Variants in C2CD2 observed in about 807,000 individuals in gnomAD.
The protein encoded by C2CD2 is C2 domain-containing protein 2.
In C2CD2, 43 loss-of-function variants were observed where a neutral mutation model predicts 74.3. The observed-to-expected ratio is 0.58, with a 90% CI of 0.45 to 0.75. The LOEUF (loss-of-function observed/expected upper bound fraction) is 0.75. Among genes scored for constraint, C2CD2 ranks in the 30% least tolerant of loss-of-function variants. The probability of loss-of-function intolerance (pLI) is 0.00; values close to 1 mark genes in which losing one functional copy is unlikely to be tolerated. For synonymous variants in C2CD2, 422 were observed against 390.7 expected (o/e 1.08, Z -0.94); for missense variants, 801 against 916.3 (o/e 0.87, Z 1.63).
chr21:41,949,036 G>A (rs2065428668), intron 1 of C2CD2, among the ~76,000 whole-genome samples: 1 of 152,014 alleles, frequency 6.6e-6, no homozygotes, highest in Non-Finnish European at 1.5e-5. Flanking sequence ...CCACTCAGGT[G>A]GGCCGCTACC....
At chr21:41,944,011 C>T (rs554141533) in intron 1 of C2CD2, among the ~76,000 whole-genome samples, 2 of 152,260 alleles carry the variant, frequency 1.3e-5, no homozygotes, top group Non-Finnish European at 2.9e-5. Flanking sequence ...GAACAGAACC[C>T]AGCACAGAGG....
At chr21:41,909,167 A>C (rs1037226050) in intron 8 of C2CD2, among the ~76,000 whole-genome samples, 2 of 152,204 alleles carry the variant, frequency 1.3e-5, no homozygotes, top group African/African-American at 4.8e-5. Flanking sequence ...GGTCTCTTGG[A>C]GCTAAGAGGG....
At chr21:41,893,719 T>C (rs368167049) in intron 13 of C2CD2, among the ~76,000 whole-genome samples, 15,749 of 147,338 alleles carry the variant, frequency 0.11, 960 homozygotes, top group Middle Eastern at 0.18. Context: ...TTTTTTTTTT[T>C]GAGACGGAGT....
At chr21:41,935,093 TG>T (rs2065295685) in intron 2 of C2CD2, among the ~76,000 whole-genome samples, 1 of 152,184 alleles carries the variant, frequency 6.6e-6, no homozygotes. Context: ...GGTTTCACCA[TG>T]TTGGCCAGGC....
chr21:41,916,653 T>A (rs2065094622), intron 5 of C2CD2, among the ~76,000 whole-genome samples: 1 of 134,274 alleles, frequency 7.4e-6, no homozygotes, highest in Non-Finnish European at 1.6e-5. Flanking sequence ...TTCATAACTG[T>A]GTGAGCTGAT....
intron 2 of C2CD2, among the ~76,000 whole-genome samples, chr21:41,933,364 A>T (rs1342715391): frequency 6.6e-6 from 1 of 152,008 alleles, no homozygotes; most frequent in Non-Finnish European, 1.5e-5. Flanking sequence ...TGTGTGGCTT[A>T]GATACCAGAG....
intron 8 of C2CD2, chr21:41,908,243 T>TGGTGTGTGTGTGTGTGTGTGTGTG (rs1555901418): frequency 5.9e-6 from 1 of 168,698 alleles, no homozygotes; most frequent in Admixed American, 6.5e-5. Context: ...TACCCTCAAG[T>TGGTGTGTGTGTGTGTGTGTGTGTG]TGTGTGTGTG....
At chr21:41,947,139 T>TCTCTCTCTCTCTCC (rs1365076208) in intron 1 of C2CD2, among the ~76,000 whole-genome samples, 8 of 122,374 alleles carry the variant, frequency 6.5e-5, no homozygotes, top group Middle Eastern at 3.9e-3. Context: ...TCTCTCTCTC[T>TCTCTCTCTCTCTCC]CCCTCCCTCC....
Position 41,914,683 on chromosome 21 carries a change from A to T in C2CD2, c.759T>A (p.Cys253Ter), listed in dbSNP as rs1424416965. ...QCAASTAQES[C>*]PPKPPRAHEL... ...CGTGAGCCCTTGGAGGTTTAGGAGG[A>T]CAGGATTCCTGAGCAGTAGATGCAG... Residue 253 changes from cysteine to a stop codon, truncating the protein, a stop_gained, in exon 6 of 14, where the codon TGT (cysteine) becomes TGA (stop). Transcript: ENST00000380486. LOFTEE classifies it high-confidence loss of function. The T allele has an allele frequency of 1.2e-6, 2 of 1,613,584 alleles. No homozygotes were observed. The highest frequency in any genetic ancestry group is 1.7e-5 in the Admixed American group (1 of 60,008).
At chr21:41,916,060 G>A (rs1477246241) in intron 5 of C2CD2, among the ~76,000 whole-genome samples, 1 of 152,182 alleles carries the variant, frequency 6.6e-6, no homozygotes, top group African/African-American at 2.4e-5. Flanking sequence ...AGAAAACACT[G>A]TTCTGAGCCA....
At position 41,924,765 on chromosome 21, in the gene C2CD2, C is replaced by G. The variant is rs1448201297; in HGVS notation, c.379-2680G>C. 6.6e-6 allele frequency among the ~76,000 whole-genome samples: 1 copy of G among 152,106 alleles called. No individual in the cohort carries two copies. The highest frequency in any genetic ancestry group is 1.5e-5 in the Non-Finnish European group (1 of 68,026). On this transcript the variant is annotated intron_variant, in intron 2 of 13. Transcript: ENST00000380486. The surrounding 1 kb of genome is among the most constrained non-coding windows in gnomAD (Gnocchi z 4.4). ...TGAGCACTGCATAATTCCTCTGGAG[C>G]CTTCTCTACTAAGCTAATCAGCATT...
In C2CD2 at chr21:41,899,342, G is replaced by A. The variant is rs779273363; in HGVS notation, c.1581C>T (p.His527=). Residue 527 remains histidine, a synonymous_variant, in exon 13 of 14, where the codon CAC becomes CAT. Transcript: ENST00000380486. The surrounding 1 kb of genome is among the most constrained non-coding windows in gnomAD (Gnocchi z 4.4). ...GISKTSLSQD[H]DAALMQGYTA... is the part of the protein sequence containing the mutation. Reference sequence around the variant, plus strand: ...TGTAGCCCTGCATCAGGGCAGCGTCGTGGTCCTGAGATAGTGAGGTCTGTC... The same window carrying A: ...TGTAGCCCTGCATCAGGGCAGCGTCATGGTCCTGAGATAGTGAGGTCTGTC... 69 of 1,606,766 alleles carry A rather than the reference G, an allele frequency of 4.3e-5. No individual in the cohort carries two copies. The highest frequency in any genetic ancestry group is 1.7e-4 in the African/African-American group (13 of 74,928).
intron 1 of C2CD2, among the ~76,000 whole-genome samples, chr21:41,947,487 C>T (rs900978592): frequency 6.6e-6 from 1 of 152,134 alleles, no homozygotes; most frequent in African/African-American, 2.4e-5. Flanking sequence ...TTGCATTAAT[C>T]TCCTTGTGTT....
rs186426990 is a variant in C2CD2 at position 41,896,105 on chromosome 21, G to T, written c.1870+2948C>A. On this transcript the variant is annotated intron_variant, in intron 13 of 13. Transcript: ENST00000380486. ...ACCTAGGAGGGTAAAGGCGGAGTTG[G>T]GAGGGAACACGAGGCAGGCAGGTCG... 2.6e-5 allele frequency among the ~76,000 whole-genome samples: 4 copies of T among 152,300 alleles called. No individual in the cohort carries two copies. The East Asian group carries it at 7.7e-4, about 29-fold the overall frequency.
rs1451775279 is a variant in C2CD2 at position 41,885,307 on chromosome 21, G to A, written c.*3817C>T. On this transcript the variant is annotated 3_prime_UTR_variant, in exon 14 of 14. Transcript: ENST00000380486. ...CCAGCGTCAGGCCAAACCTTTCCGT[G>A]GACCTGGAAAACCTGCCACTTTCTT... The A allele has an allele frequency of 6.6e-6, 1 of 152,304 alleles. No homozygotes were observed. Among genetic ancestry groups the A allele is most frequent in the Non-Finnish European group, 1.5e-5 (1 of 68,046 alleles). The allele number at this position is 152,304 out of a possible 1,614,324, so 9.4% of individuals were successfully genotyped here.
intron 5 of C2CD2, 82 bp from the exon 6 acceptor site, chr21:41,914,803 G>C (rs1283913620): frequency 8.0e-7 from 1 of 1,245,784 alleles, no homozygotes; most frequent in Non-Finnish European, 1.1e-6. Context: ...CTCCTGTTAT[G>C]GGGGGTGGTG....
chr21:41,914,382 C>G (rs1291803819), intron 6 of C2CD2, among the ~76,000 whole-genome samples: 2 of 152,154 alleles, frequency 1.3e-5, no homozygotes, highest in Non-Finnish European at 2.9e-5. Flanking sequence ...ATACTCCTTT[C>G]CCTCCTTGGC....
At chr21:41,905,689 T>G (rs767690842) in intron 11 of C2CD2, 35 bp downstream of exon 11, 4 of 1,129,562 alleles carry the variant, frequency 3.5e-6, no homozygotes, top group Non-Finnish European at 2.7e-6. Flanking sequence ...CCAAAGGTGC[T>G]AAGAGGGAGA....
At chr21:41,930,756 C>T (rs1350365915) in intron 2 of C2CD2, among the ~76,000 whole-genome samples, 1 of 149,788 alleles carries the variant, frequency 6.7e-6, no homozygotes, top group Non-Finnish European at 1.5e-5. Flanking sequence ...TATTCGGTTA[C>T]AATATTTCCT....
Sources: gnomAD v4.1 joint callset for allele counts (sites outside exome capture counted in the v4.1 genomes callset) on GRCh38, gnomAD v4.1.1 for gene constraint, Gnocchi (gnomAD v3.1) non-coding constraint, MANE v1.5 for transcripts, NCBI Gene and HGNC (gene_info 2026-07-23, HGNC 2026-07-21) for gene names.